The following ANAPC5 variants were observed in gnomAD, a reference collection of about 807,000 sequenced individuals.
ANAPC5 encodes anaphase promoting complex subunit 5, also known as anaphase-promoting complex subunit 5.
In ANAPC5, 60 loss-of-function variants were observed where a neutral mutation model predicts 91.3. That is an observed-to-expected ratio of 0.66 (90% confidence interval 0.53 to 0.81). The LOEUF is 0.81. Ranked by LOEUF, ANAPC5 falls within the 40% of genes least tolerant of loss-of-function variation. The pLI is 0.00. For synonymous variants in ANAPC5, 340 were observed against 364.1 expected (o/e 0.93, Z 0.75); for missense variants, 690 against 931.5 (o/e 0.74, Z 3.37).
chr12:121,313,837 C>A (rs996386882), intron 15 of ANAPC5, among the ~76,000 whole-genome samples: 1 of 152,178 alleles, frequency 6.6e-6, no homozygotes. Flanking sequence ...TAACACCAAT[C>A]CTTCTCAAAT....
At chr12:121,321,269 T>A (rs192602215) in intron 11 of ANAPC5, among the ~76,000 whole-genome samples, 2,646 of 151,424 alleles carry the variant, frequency 0.017, 58 homozygotes, top group South Asian at 0.11. Context: ...AATTTTTTTT[T>A]AATTACACAC....
At chr12:121,332,810 T>A (rs1379368038) in intron 7 of ANAPC5, 2 of 152,170 alleles carry the variant, frequency 1.3e-5, no homozygotes, top group East Asian at 3.8e-4. Flanking sequence ...CTCATTTATA[T>A]TCTGTGCAAT....
upstream of ANAPC5, among the ~76,000 whole-genome samples, chr12:121,352,715 T>TGGTGGTGGTGG (rs1555275616): frequency 1.0e-3 from 32 of 30,624 alleles, no homozygotes; most frequent in Non-Finnish European, 3.0e-3. Flanking sequence ...TTGGTTGTTG[T>TGGTGGTGGTGG]TGTTGGTGGT....
intron 12 of ANAPC5, among the ~76,000 whole-genome samples, chr12:121,320,069 T>C (rs539322324): frequency 6.6e-6 from 1 of 152,340 alleles, no homozygotes; most frequent in South Asian, 2.1e-4. Flanking sequence ...TCATATACTA[T>C]TAGATACCAA....
intron 2 of ANAPC5, 46 bp downstream of exon 2, chr12:121,347,756 T>A (rs1903725790): frequency 2.8e-6 from 4 of 1,436,696 alleles, no homozygotes; most frequent in Middle Eastern, 3.5e-4. Context: ...GTGATTTTCA[T>A]CTACCTTCAC....
At chr12:121,331,273 CCCAATTCAACGGGGCCTTGTGAAGG>C in intron 8 of ANAPC5, 49 bp downstream of exon 8, 1 of 1,323,932 alleles carries the variant, frequency 7.6e-7, no homozygotes. Context: ...TGCAAAACAA[CCCAATTCAACGGGGCCTTGTGAAGG>C]CCAATTCAAC....
Position 121,312,906 on chromosome 12 carries a change from T to A in ANAPC5, c.1894-3043A>T, listed in dbSNP as rs182838269. Among the ~76,000 whole-genome samples, 1,026 of 152,132 alleles carry A rather than the reference T, an allele frequency of 6.7e-3. 7 individuals carry two copies. The highest frequency in any genetic ancestry group is 0.031 in the Middle Eastern group (9 of 294). On this transcript the variant is annotated intron_variant, in intron 15 of 16. Coordinates refer to ENST00000261819, the MANE Select transcript of ANAPC5 (RefSeq NM_016237.5). ...AAAAAAAAATACACAGACTCTCATT[T>A]ATGAAATTTGTGGGATAAACTACAA...
Position 121,308,459 on chromosome 12 carries a change from A to G in ANAPC5, c.*21T>C. On this transcript the variant is annotated 3_prime_UTR_variant, in exon 17 of 17. Coordinates refer to ENST00000261819, the MANE Select transcript of ANAPC5 (RefSeq NM_016237.5). ...TCCAAAATCTTATACTCTGCACAGCAGCCCAGCAGGGATGTCCTCTCTAGA... is the reference window on the plus strand; with the variant it reads ...TCCAAAATCTTATACTCTGCACAGCGGCCCAGCAGGGATGTCCTCTCTAGA... The G allele has an allele frequency of 1.2e-6, 2 of 1,609,090 alleles. No individual in the cohort carries two copies. Among genetic ancestry groups the G allele is most frequent in the African/African-American group, 1.3e-5 (1 of 74,944 alleles).
chr12:121,308,761 T>G, intron 16 of ANAPC5, 70 bp from the exon 17 acceptor site: 1 of 1,234,814 alleles, frequency 8.1e-7, no homozygotes, highest in Non-Finnish European at 1.2e-6. Context: ...AAACGTGGTA[T>G]TTAGTTTTAT....
In ANAPC5 at chr12:121,308,411, G is replaced by T; in HGVS notation, c.*69C>A. The T allele has an allele frequency of 8.1e-7, 1 of 1,238,894 alleles. No individual in the cohort carries two copies. The highest frequency in any genetic ancestry group is 2.4e-5 in the East Asian group (1 of 42,444). The allele number at this position is 1,238,894 out of a possible 1,614,324, so 76.7% of individuals were successfully genotyped here. On this transcript the variant is annotated 3_prime_UTR_variant, in exon 17 of 17. Transcript: ENST00000261819. ...GGGTGTCACAAATACATCATTTATA[G>T]GGAGAGAGGGGACATGAACAAGTCC...
At chr12:121,352,587 T>G, upstream of ANAPC5, 1 of 443,776 alleles carries the variant, frequency 2.3e-6, no homozygotes. Flanking sequence ...TACAGAAACT[T>G]TTGCCGAGTG....
At chr12:121,349,625 G>A (rs1903808117) in intron 1 of ANAPC5, among the ~76,000 whole-genome samples, 1 of 151,020 alleles carries the variant, frequency 6.6e-6, no homozygotes, top group African/African-American at 2.4e-5. Flanking sequence ...TAACTATATA[G>A]TAGTTAGCCA....
rs745525334 is a variant in ANAPC5, at chr12:121,318,484, T to C, written c.1745+17A>G. 1.9e-6 allele frequency: 3 copies of C among 1,613,732 alleles called. No homozygotes were observed. In the Admixed American group the frequency reaches 5.0e-5, roughly 27 times the overall value. Reference sequence around the variant, plus strand: ...TCCACCACCACATCTCCGTGAGATGTACAAGAGACCCCTTACCTGATCACC... The same window carrying C: ...TCCACCACCACATCTCCGTGAGATGCACAAGAGACCCCTTACCTGATCACC... On this transcript the variant is annotated intron_variant, in intron 14 of 16. Coordinates refer to ENST00000261819, the MANE Select transcript of ANAPC5 (RefSeq NM_016237.5).
intron 11 of ANAPC5, 122 bp from the exon 12 acceptor site, chr12:121,320,581 T>C: frequency 1.5e-6 from 1 of 684,426 alleles, no homozygotes; most frequent in Non-Finnish European, 2.4e-6. Flanking sequence ...TGAGAGATAC[T>C]GGTCAGAGAC....
chr12:121,344,149 G>C (rs992028903), intron 4 of ANAPC5, among the ~76,000 whole-genome samples: 18 of 152,138 alleles, frequency 1.2e-4, no homozygotes, highest in Admixed American at 5.9e-4. Flanking sequence ...CTAAACACTG[G>C]GGAAATGTGA....
intron 1 of ANAPC5, 92 bp from the exon 2 acceptor site, chr12:121,347,973 CT>C: frequency 1.2e-6 from 1 of 868,552 alleles, no homozygotes; most frequent in Non-Finnish European, 1.9e-6. Flanking sequence ...AACCCCTCTG[CT>C]TTAATAATCA....
At chr12:121,345,734 A>T (rs1179576905) in intron 4 of ANAPC5, 105 bp downstream of exon 4, 45 of 1,206,320 alleles carry the variant, frequency 3.7e-5, no homozygotes, top group Non-Finnish European at 5.3e-5. Context: ...GGAAGGGTAA[A>T]AAGGGCATAA....
chr12:121,337,231 C>CA, intron 6 of ANAPC5, 60 bp downstream of exon 6: 1 of 1,398,734 alleles, frequency 7.1e-7, no homozygotes, highest in South Asian at 1.2e-5. Flanking sequence ...AACAAACAAA[C>CA]AAAAAAAGTT....
At chr12:121,322,841 G>A (rs1244949411) in intron 11 of ANAPC5, among the ~76,000 whole-genome samples, 2 of 152,048 alleles carry the variant, frequency 1.3e-5, no homozygotes, top group African/African-American at 4.8e-5. Flanking sequence ...TGGCCAACAT[G>A]GTGAAACCCC....
Sources: allele counts gnomAD v4.1 joint callset (sites outside exome capture counted in the v4.1 genomes callset), GRCh38; gene constraint gnomAD v4.1.1; transcripts MANE v1.5; gene names NCBI Gene and HGNC (gene_info 2026-07-23, HGNC 2026-07-21).